The following FCGR2A variants were observed in gnomAD, a reference collection of about 807,000 sequenced individuals.
The protein encoded by FCGR2A is low affinity immunoglobulin gamma Fc region receptor II-a.
In FCGR2A, 18 loss-of-function variants were observed where a neutral mutation model predicts 29.3. That is an observed-to-expected ratio of 0.62 (90% CI 0.43 to 0.91). The LOEUF (loss-of-function observed/expected upper bound fraction) is 0.91, where lower values mean the gene tolerates loss of function less well. Ranked by LOEUF, FCGR2A falls within the 40% of genes least tolerant of loss-of-function variation. FCGR2A has a pLI of 0.00. For missense variants in FCGR2A, 287 were observed against 393.0 expected (o/e 0.73, Z 2.28); for synonymous variants, 126 against 144.8 (o/e 0.87, Z 0.93).
At chr1:161,516,510 A>C (rs1676154317) in intron 6 of FCGR2A, among the ~76,000 whole-genome samples, 1 of 151,990 alleles carries the variant, frequency 6.6e-6, no homozygotes, top group African/African-American at 2.4e-5. Context: ...GACTGATAAA[A>C]AGTCAGTAAA....
intron 3 of FCGR2A, among the ~76,000 whole-genome samples, chr1:161,507,936 A>G (rs1675516820): frequency 6.6e-6 from 1 of 151,704 alleles, no homozygotes; most frequent in African/African-American, 2.4e-5. Context: ...AAAATACAAA[A>G]TTAGCCGGGC....
downstream of FCGR2A, chr1:161,523,865 A>T (rs1409952164): frequency 6.6e-6 from 1 of 152,010 alleles, no homozygotes; most frequent in African/African-American, 2.4e-5. Context: ...CCGGGAATCG[A>T]ACCCGGGCCT....
chr1:161,510,947 C>T lies in FCGR2A; in HGVS notation c.733C>T (p.Arg245Trp), dbSNP rs147892588. ...VVALIYCRKKRISANSTDPVK... is the reference protein window; with the variant it reads ...VVALIYCRKKWISANSTDPVK... ...GGCCTTGATCTACTGCAGGAAAAAG[C>T]GGATTTCAGGTTTGTAGCTCCTCCC... The change falls in exon 5 of 7, where the codon CGG becomes TGG. Residue 245 changes from arginine to tryptophan, a missense_variant. Transcript: ENST00000271450. 1,233 of 1,614,128 alleles carry T rather than the reference C, an allele frequency of 7.6e-4. 9 individuals carry two copies. The South Asian group carries it at 9.9e-3, about 13-fold the overall frequency.
chr1:161,509,228 C>T (rs1675607246), intron 3 of FCGR2A, among the ~76,000 whole-genome samples: 1 of 152,194 alleles, frequency 6.6e-6, no homozygotes, highest in Non-Finnish European at 1.5e-5. Context: ...TTTCCAGCCC[C>T]CAGAACAGGG....
At chr1:161,506,851 C>G (rs1675447165) in intron 3 of FCGR2A, 1 of 638,242 alleles carries the variant, frequency 1.6e-6, no homozygotes, top group Non-Finnish European at 2.6e-6. Flanking sequence ...GTTACGAGGC[C>G]ACAAACAGCT....
In FCGR2A at chr1:161,509,907, T is replaced by C; in HGVS notation, c.452T>C (p.Leu151Pro). The C allele has an allele frequency of 1.2e-6, 2 of 1,614,220 alleles. No homozygotes were observed. Among genetic ancestry groups the C allele is most frequent in the South Asian group, 2.2e-5 (2 of 91,086 alleles). Reference protein sequence around the residue: ...LRCHSWKDKPLVKVTFFQNGK... With the variant: ...LRCHSWKDKPPVKVTFFQNGK... Reference sequence around the variant, plus strand: ...TGCCACAGCTGGAAGGACAAGCCTCTGGTCAAGGTCACATTCTTCCAGAAT... The same window carrying C: ...TGCCACAGCTGGAAGGACAAGCCTCCGGTCAAGGTCACATTCTTCCAGAAT... Residue 151 changes from leucine (L) to proline (P), a missense_variant, in exon 4 of 7, where the codon CTG becomes CCG. Physicochemically the swap from Leu to Pro is moderately conservative, Grantham distance 98. This residue lies in a region of FCGR2A where 181 missense variants were observed against 250.9 expected (regional missense o/e 0.72). Transcript: ENST00000271450.
chr1:161,511,220 C>A (rs1675754724), intron 5 of FCGR2A, among the ~76,000 whole-genome samples: 1 of 152,120 alleles, frequency 6.6e-6, no homozygotes, highest in Non-Finnish European at 1.5e-5. Flanking sequence ...AGGGCTGTTG[C>A]CATTCTGGAG....
At chr1:161,508,360 G>A (rs987334024) in intron 3 of FCGR2A, among the ~76,000 whole-genome samples, 5 of 151,204 alleles carry the variant, frequency 3.3e-5, no homozygotes, top group African/African-American at 1.2e-4. Flanking sequence ...AGGACGAGGT[G>A]GATGGATCAC....
intron 4 of FCGR2A, among the ~76,000 whole-genome samples, chr1:161,510,533 A>G (rs534702501): frequency 6.6e-6 from 1 of 152,304 alleles, no homozygotes; most frequent in African/African-American, 2.4e-5. Flanking sequence ...CACCCTCCGT[A>G]CTGTCCCCAG....
chr1:161,522,426 A>G (rs1246580633), downstream of FCGR2A, among the ~76,000 whole-genome samples: 1 of 151,958 alleles, frequency 6.6e-6, no homozygotes, highest in Admixed American at 6.6e-5. Context: ...TATGCCTGTA[A>G]CTCTTGGAGA....
rs1245150066 is a variant in FCGR2A at position 161,519,057 on chromosome 1, C to G, written c.*909C>G. The G allele has an allele frequency of 7.3e-5, 15 of 205,334 alleles. No homozygotes were observed. The highest frequency in any genetic ancestry group is 2.8e-4 in the African/African-American group (12 of 42,772). The allele number at this position is 205,334 out of a possible 1,614,324, so 12.7% of individuals were successfully genotyped here. ...TCCAGAAGAACAAAGAGCCCAATTA[C>G]CAGAACCACATTAAGTCTCCATTGT... On this transcript the variant is annotated 3_prime_UTR_variant, in exon 7 of 7. Transcript: ENST00000271450.
At chr1:161,507,855 G>A (rs1420391446) in intron 3 of FCGR2A, among the ~76,000 whole-genome samples, 1 of 152,162 alleles carries the variant, frequency 6.6e-6, no homozygotes, top group Non-Finnish European at 1.5e-5. Context: ...GGGAGGCTGA[G>A]GCAGGAGGAT....
chr1:161,515,746 G>A (rs1460084823), intron 6 of FCGR2A, among the ~76,000 whole-genome samples: 2 of 152,042 alleles, frequency 1.3e-5, no homozygotes, highest in African/African-American at 4.8e-5. Context: ...TTTAACTAGA[G>A]GCTAGATCCA....
chr1:161,510,541 C>T (rs143992686), intron 4 of FCGR2A, among the ~76,000 whole-genome samples: 4 of 152,364 alleles, frequency 2.6e-5, no homozygotes, highest in Admixed American at 6.5e-5. Context: ...GTACTGTCCC[C>T]AGGGGCTAAG....
chr1:161,505,777 T>C (rs1296596249), intron 1 of FCGR2A: 5 of 712,450 alleles, frequency 7.0e-6, no homozygotes, highest in Non-Finnish European at 1.3e-5. Context: ...CATTCATGTG[T>C]ACTTTGTAGT....
rs1309322704 is a variant in FCGR2A at position 161,505,482 on chromosome 1, C to A, written c.15C>A (p.Thr5=). 5 of 1,613,406 alleles carry A rather than the reference C, an allele frequency of 3.1e-6. No homozygotes were observed. In the African/African-American group the frequency reaches 6.7e-5, roughly 22 times the overall value. Residue 5 remains threonine, a synonymous_variant, in exon 1 of 7, where the codon ACC becomes ACA. Transcript: ENST00000271450. ...ACAGTGCTGGGATGACTATGGAGAC[C>A]CAAATGTCTCAGAATGTATGTCCCA... The part of the protein sequence containing the change: MTME[T]QMSQNVCPRN...
rs1358218842 is a variant in FCGR2A at position 161,506,609 on chromosome 1, C to G, written c.364+18C>G. 1.9e-6 allele frequency: 3 copies of G among 1,613,528 alleles called. No individual in the cohort carries two copies. Among genetic ancestry groups the G allele is most frequent in the Non-Finnish European group, 2.5e-6 (3 of 1,179,580 alleles). On this transcript the variant is annotated intron_variant, in intron 3 of 6. Transcript: ENST00000271450. ...GCTTTCCGGTCAGTGGAGGAAGGCCCCAGGGTGGACCTGGGAGGGCCAGGA... is the reference window on the plus strand; with the variant it reads ...GCTTTCCGGTCAGTGGAGGAAGGCCGCAGGGTGGACCTGGGAGGGCCAGGA...
chr1:161,511,751 G>A (rs1333069988), intron 5 of FCGR2A, among the ~76,000 whole-genome samples: 4 of 152,222 alleles, frequency 2.6e-5, no homozygotes, highest in Non-Finnish European at 4.4e-5. Context: ...CTAACCTCCT[G>A]TGTGTCCCTC....
In FCGR2A at chr1:161,510,016, C is replaced by T. The variant is rs1358578110; in HGVS notation, c.561C>T (p.Cys187=). ...ANHSHSGDYH[C]TGNIGYTLFS... is the part of the protein sequence containing the mutation. ...ACAGTCACAGTGGTGATTACCACTG[C>T]ACAGGAAACATAGGCTACACGCTGT... The change falls in exon 4 of 7, where the codon TGC becomes TGT. Residue 187 remains cysteine, a synonymous_variant. Coordinates refer to ENST00000271450, the MANE Select transcript of FCGR2A (RefSeq NM_001136219.3). 1.2e-6 allele frequency: 2 copies of T among 1,613,966 alleles called. No homozygotes were observed. Among genetic ancestry groups the T allele is most frequent in the Non-Finnish European group, 1.7e-6 (2 of 1,179,862 alleles).
Sources: gnomAD v4.1 joint callset for allele counts (sites outside exome capture counted in the v4.1 genomes callset) on GRCh38, gnomAD v4.1.1 for gene constraint, gnomAD v4.1.1 regional missense constraint, MANE v1.5 for transcripts, NCBI Gene and HGNC (gene_info 2026-07-23, HGNC 2026-07-21) for gene names.